Variants in FANCC observed in about 807,000 individuals in gnomAD.
FANCC encodes the protein FA complementation group C, also known as Fanconi anemia group C protein.
FANCC carries 55 observed loss-of-function variants against 71.3 expected under a neutral mutation model. The ratio of observed to expected loss-of-function variants is 0.77; its 90% CI spans 0.62 to 0.97. The LOEUF (loss-of-function observed/expected upper bound fraction) is 0.97. FANCC is among the 50% of genes least tolerant of loss of function. The pLI is 0.00. For synonymous variants in FANCC, 275 were observed against 244.9 expected, an observed-to-expected ratio of 1.12 and a Z score of -1.15; for missense variants, 678 against 670.9, an observed-to-expected ratio of 1.01 and a Z score of -0.12.
At chr9:95,173,230 G>C (rs1269556920) in intron 4 of FANCC, among the ~76,000 whole-genome samples, 1 of 152,122 alleles carries the variant, frequency 6.6e-6, no homozygotes, top group African/African-American at 2.4e-5. Context: ...TGGAGGAATA[G>C]AAATAGGGTC....
chr9:95,155,329 GGAAGGAA>G (rs1224210986), intron 6 of FANCC, among the ~76,000 whole-genome samples: 2 of 55,850 alleles, frequency 3.6e-5, no homozygotes, highest in Non-Finnish European at 7.1e-5. Flanking sequence ...GGGGAGGGGA[GGAAGGAA>G]GGGAGGAAGG....
At chr9:95,204,936 G>T (rs148862732) in intron 4 of FANCC, among the ~76,000 whole-genome samples, 1 of 152,294 alleles carries the variant, frequency 6.6e-6, no homozygotes, top group African/African-American at 2.4e-5. Context: ...TACCAAAGGG[G>T]ATTAGCCAGC....
chr9:95,101,575 T>C lies in FANCC; in HGVS notation c.*132A>G, dbSNP rs2071072815. The stretch of plus-strand genomic sequence containing the variant: ...TAGATACTAGCAGATTGTCCCAAGA[T>C]GTGTACAGCTCATTCTCACAGCCCA... On this transcript the variant is annotated 3_prime_UTR_variant, in exon 15 of 15. Coordinates refer to ENST00000289081, the MANE Select transcript of FANCC (RefSeq NM_000136.3). 9.3e-7 allele frequency: 1 copy of C among 1,074,912 alleles called. No homozygotes were observed. Among genetic ancestry groups the C allele is most frequent in the Non-Finnish European group, 1.4e-6 (1 of 725,616 alleles). The allele number at this position is 1,074,912 out of a possible 1,614,324, so 66.6% of individuals were successfully genotyped here.
chr9:95,139,069 T>C (rs1828170772), intron 7 of FANCC, among the ~76,000 whole-genome samples: 1 of 152,230 alleles, frequency 6.6e-6, no homozygotes, highest in African/African-American at 2.4e-5. Flanking sequence ...CATCTTGATA[T>C]GCTTGCTTAA....
intron 4 of FANCC, among the ~76,000 whole-genome samples, chr9:95,229,742 G>A (rs1046324718): frequency 2.0e-5 from 3 of 149,832 alleles, no homozygotes; most frequent in African/African-American, 7.4e-5. Flanking sequence ...GTGGACTTAG[G>A]ACCTGTCAGT....
At chr9:95,243,495 C>T (rs1482465739) in intron 3 of FANCC, among the ~76,000 whole-genome samples, 1 of 152,004 alleles carries the variant, frequency 6.6e-6, no homozygotes, top group Non-Finnish European at 1.5e-5. Context: ...AATTAAAAAG[C>T]AATTTTGGGC....
At chr9:95,151,261 C>T (rs980348654) in intron 6 of FANCC, among the ~76,000 whole-genome samples, 10 of 152,090 alleles carry the variant, frequency 6.6e-5, no homozygotes, top group African/African-American at 1.7e-4. Context: ...CTTTGCCCAC[C>T]GCTCTATTCC....
intron 3 of FANCC, among the ~76,000 whole-genome samples, chr9:95,243,320 TA>T (rs1396531071): frequency 1.3e-5 from 2 of 152,142 alleles, no homozygotes; most frequent in African/African-American, 4.8e-5. Flanking sequence ...AATAAAAAGG[TA>T]TTCTCTAACT....
At chr9:95,219,843 A>G (rs938640114) in intron 4 of FANCC, among the ~76,000 whole-genome samples, 2 of 152,246 alleles carry the variant, frequency 1.3e-5, no homozygotes, top group Non-Finnish European at 2.9e-5. Context: ...AGCAATGGCA[A>G]CAAAAGCCAA....
At chr9:95,122,008 C>T (rs558811215) in intron 10 of FANCC, among the ~76,000 whole-genome samples, 99 of 152,158 alleles carry the variant, frequency 6.5e-4, no homozygotes, top group African/African-American at 2.2e-3. Flanking sequence ...TAAGCGCCCA[C>T]CACCATGCCC....
At chr9:95,316,142 T>C (rs546724761) in intron 1 of FANCC, among the ~76,000 whole-genome samples, 12 of 152,360 alleles carry the variant, frequency 7.9e-5, no homozygotes, top group African/African-American at 2.9e-4. Flanking sequence ...AAAGTATAAT[T>C]AGTCCAGTTC....
At chr9:95,207,621 G>A (rs1564752627) in intron 4 of FANCC, among the ~76,000 whole-genome samples, 2 of 152,058 alleles carry the variant, frequency 1.3e-5, no homozygotes, top group East Asian at 1.9e-4. Context: ...CTAGAACTCC[G>A]GGTGGCTCCA....
At position 95,110,314 on chromosome 9, in the gene FANCC, T is replaced by C. The variant is rs1312099406; in HGVS notation, c.1329+1149A>G. On this transcript the variant is annotated intron_variant, in intron 13 of 14. Transcript: ENST00000289081. Reference sequence around the variant, plus strand: ...TGACTGTGATGGAATTGAACACATATCTACCAACTTAGCTTATTCAGAATC... The same window carrying C: ...TGACTGTGATGGAATTGAACACATACCTACCAACTTAGCTTATTCAGAATC... 4.9e-6 allele frequency: 5 copies of C among 1,015,538 alleles called. No homozygotes were observed. The African/African-American group carries it at 8.6e-5, about 17-fold the overall frequency. 62.9% of individuals were successfully genotyped at this position (1,015,538 alleles called of 1,614,324 possible).
chr9:95,144,470 C>T (rs1323232972), intron 7 of FANCC, among the ~76,000 whole-genome samples: 1 of 152,184 alleles, frequency 6.6e-6, no homozygotes, highest in East Asian at 1.9e-4. Context: ...CCCTCAGCGT[C>T]CCTCTGAGCA....
intron 6 of FANCC, among the ~76,000 whole-genome samples, chr9:95,152,128 T>C (rs1018476020): frequency 1.3e-5 from 2 of 152,226 alleles, no homozygotes; most frequent in Non-Finnish European, 2.9e-5. Flanking sequence ...GTTACCCACT[T>C]GTATTTCCTC....
chr9:95,227,635 C>T (rs1452484588), intron 4 of FANCC, among the ~76,000 whole-genome samples: 1 of 152,166 alleles, frequency 6.6e-6, no homozygotes, highest in Admixed American at 6.5e-5. Flanking sequence ...ACAAAGAAGC[C>T]ACCATCTGAT....
chr9:95,207,596 C>A (rs1433386602), intron 4 of FANCC, among the ~76,000 whole-genome samples: 2 of 152,076 alleles, frequency 1.3e-5, no homozygotes, highest in East Asian at 3.9e-4. Context: ...CATCTCCCTC[C>A]TAGACTGATG....
chr9:95,156,023 G>C (rs1830448342), intron 6 of FANCC, among the ~76,000 whole-genome samples: 1 of 151,976 alleles, frequency 6.6e-6, no homozygotes, highest in African/African-American at 2.4e-5. Context: ...ACTGTGCCAA[G>C]GCTGAAACAA....
intron 2 of FANCC, among the ~76,000 whole-genome samples, 180 bp downstream of exon 2, chr9:95,248,947 T>C (rs1229635467): frequency 6.6e-6 from 1 of 152,094 alleles, no homozygotes; most frequent in African/African-American, 2.4e-5. Flanking sequence ...CAAGAAGAAA[T>C]TATAATAATA....
Sources: gnomAD v4.1 joint callset for allele counts (sites outside exome capture counted in the v4.1 genomes callset) on GRCh38, gnomAD v4.1.1 for gene constraint, MANE v1.5 for transcripts, NCBI Gene and HGNC (gene_info 2026-07-23, HGNC 2026-07-21) for gene names.